Variants in SVOPL observed in about 807,000 individuals in gnomAD.
SVOPL encodes putative transporter SVOPL.
A neutral mutation model predicts 61.0 loss-of-function variants in SVOPL; 60 were observed. The ratio of observed to expected loss-of-function variants is 0.98; its 90% CI spans 0.80 to 1.22. SVOPL has a LOEUF of 1.22. Among genes scored for constraint, SVOPL ranks in the 50% most tolerant of loss-of-function variants. The probability of loss-of-function intolerance (pLI) is 0.00; values close to 1 mark genes in which losing one functional copy is unlikely to be tolerated. For missense variants in SVOPL, 662 were observed against 643.9 expected, an observed-to-expected ratio of 1.03 and a Z score of -0.30; for synonymous variants, 279 against 250.0, an observed-to-expected ratio of 1.12 and a Z score of -1.09.
intron 4 of SVOPL, chr7:138,664,198 C>G (rs1274582639): frequency 7.1e-6 from 7 of 979,934 alleles, no homozygotes; most frequent in Non-Finnish European, 8.5e-6. Context: ...CTCCCCCTCC[C>G]CCACCTTCTA....
At chr7:138,694,417 T>C (rs1044357002) in intron 1 of SVOPL, among the ~76,000 whole-genome samples, 7 of 151,870 alleles carry the variant, frequency 4.6e-5, no homozygotes, top group African/African-American at 1.7e-4. Flanking sequence ...CCTAACTTTT[T>C]GTATTTTTAG....
intron 1 of SVOPL, among the ~76,000 whole-genome samples, chr7:138,697,127 T>C (rs574949332): frequency 1.3e-5 from 2 of 152,198 alleles, no homozygotes; most frequent in South Asian, 2.1e-4. Context: ...TCCCAGCACT[T>C]TGGGATGCCA....
intron 7 of SVOPL, among the ~76,000 whole-genome samples, chr7:138,654,581 C>A (rs1411621019): frequency 6.8e-6 from 1 of 147,930 alleles, no homozygotes; most frequent in Non-Finnish European, 1.5e-5. Flanking sequence ...CTCAGTGCAA[C>A]CTTCTCCTCC....
At chr7:138,672,214 T>C in intron 3 of SVOPL, 97 bp from the exon 4 acceptor site, 1 of 1,120,406 alleles carries the variant, frequency 8.9e-7, no homozygotes, top group South Asian at 1.4e-5. Flanking sequence ...TCCTGTCCCC[T>C]TTGTCCTTCC....
chr7:138,601,113 G>A (rs542755261), intron 14 of SVOPL, among the ~76,000 whole-genome samples: 115 of 152,092 alleles, frequency 7.6e-4, no homozygotes, highest in Middle Eastern at 3.4e-3. Context: ...TTAGCCGGGC[G>A]TGGTGGCAGG....
chr7:138,673,436 C>G (rs1375247386), intron 3 of SVOPL, among the ~76,000 whole-genome samples: 1 of 152,142 alleles, frequency 6.6e-6, no homozygotes, highest in Admixed American at 6.5e-5. Flanking sequence ...GTAGGCGGAT[C>G]ACTTGAGGCC....
chr7:138,608,848 G>A (rs997038814), intron 14 of SVOPL, among the ~76,000 whole-genome samples: 3 of 152,058 alleles, frequency 2.0e-5, no homozygotes, highest in East Asian at 1.9e-4. Flanking sequence ...AGGAGAACAC[G>A]AACAAGAATG....
chr7:138,677,817 C>T (rs1185626025), intron 3 of SVOPL, among the ~76,000 whole-genome samples: 1 of 145,588 alleles, frequency 6.9e-6, no homozygotes, highest in Non-Finnish European at 1.5e-5. Context: ...AGCTGGAGTG[C>T]AGTGGCGCGA....
intron 9 of SVOPL, among the ~76,000 whole-genome samples, chr7:138,635,946 T>C: frequency 6.6e-6 from 1 of 152,114 alleles, no homozygotes; most frequent in East Asian, 1.9e-4. Context: ...TATATATACA[T>C]TTTTTTGAAA....
intron 3 of SVOPL, among the ~76,000 whole-genome samples, chr7:138,673,365 A>G (rs1275454914): frequency 6.6e-6 from 1 of 152,194 alleles, no homozygotes; most frequent in Non-Finnish European, 1.5e-5. Flanking sequence ...GAGCATAATT[A>G]TCTCAGAAGA....
rs768843172 is a variant in SVOPL at position 138,644,706 on chromosome 7, C to T, written c.789+11G>A. ...TGGTGATAGGAGAAGACCTCGGGGGCCAGCACTCACCAGGACGGGCTCCAC... is the reference window on the plus strand; with the variant it reads ...TGGTGATAGGAGAAGACCTCGGGGGTCAGCACTCACCAGGACGGGCTCCAC... On this transcript the variant is annotated intron_variant, in intron 9 of 15. Coordinates refer to ENST00000674285, the MANE Select transcript of SVOPL (RefSeq NM_001139456.2). 10 of 1,613,558 alleles carry T rather than the reference C, an allele frequency of 6.2e-6. No individual in the cohort carries two copies. The Admixed American group carries it at 1.2e-4, about 19-fold the overall frequency.
At chr7:138,672,640 T>TG (rs986328181) in intron 3 of SVOPL, among the ~76,000 whole-genome samples, 6 of 108,120 alleles carry the variant, frequency 5.5e-5, no homozygotes, top group East Asian at 2.9e-4. Context: ...AGCAGGAAAG[T>TG]GTTTTTTTTT....
chr7:138,612,405 T>TAAAAAAAAA (rs1158818070), intron 14 of SVOPL, among the ~76,000 whole-genome samples: 2 of 9,332 alleles, frequency 2.1e-4, no homozygotes, highest in Non-Finnish European at 2.0e-4. Flanking sequence ...AAAAATAAAT[T>TAAAAAAAAA]AAAAAAAAAA....
chr7:138,620,131 T>TC (rs1225043625), intron 14 of SVOPL, among the ~76,000 whole-genome samples: 1 of 145,636 alleles, frequency 6.9e-6, no homozygotes, highest in Non-Finnish European at 1.5e-5. Context: ...TTTGTTTTTT[T>TC]TTTTTTTTTG....
chr7:138,628,511 A>C (rs1394119966), intron 10 of SVOPL, 148 bp from the exon 11 acceptor site: 1 of 770,110 alleles, frequency 1.3e-6, no homozygotes, highest in Non-Finnish European at 2.1e-6. Context: ...CATTCGTGGA[A>C]GTGTCTCTTA....
chr7:138,678,653 C>T (rs1405603330), intron 2 of SVOPL, 128 bp from the exon 3 acceptor site: 2 of 844,722 alleles, frequency 2.4e-6, no homozygotes, highest in Non-Finnish European at 3.7e-6. Context: ...TGGTAGGCAA[C>T]CTCTGCCTAC....
intron 4 of SVOPL, among the ~76,000 whole-genome samples, chr7:138,670,401 C>T (rs560485261): frequency 3.3e-5 from 5 of 152,294 alleles, no homozygotes; most frequent in Admixed American, 2.0e-4. Flanking sequence ...CTGTAAATAA[C>T]ATCACTATTG....
chr7:138,648,073 T>G (rs1324863676), intron 8 of SVOPL, among the ~76,000 whole-genome samples: 1 of 152,138 alleles, frequency 6.6e-6, no homozygotes, highest in Non-Finnish European at 1.5e-5. Flanking sequence ...AGAATTGTAC[T>G]GCAAACTAAG....
In SVOPL at chr7:138,659,807, TCAGGGCCTG is replaced by T. The variant is rs892084308; in HGVS notation, c.470+48_470+56del. ...GTCTATTAAGCGCAGTGTGTGTGCA[TCAGGGCCTG>T]CAGGGGTACACGTTTCTGTCTCAGG... On this transcript the variant is annotated intron_variant, in intron 6 of 15. Coordinates refer to ENST00000674285, the MANE Select transcript of SVOPL (RefSeq NM_001139456.2). 1.1e-5 allele frequency: 17 copies of T among 1,503,306 alleles called. No individual in the cohort carries two copies. The African/African-American group carries it at 2.2e-4, about 20-fold the overall frequency. 93.1% of individuals were successfully genotyped at this position (1,503,306 alleles called of 1,614,324 possible). A position where few individuals can be genotyped will look rare whatever the true frequency, so the allele number is the denominator to read the frequency against.
Sources: allele counts gnomAD v4.1 joint callset (sites outside exome capture counted in the v4.1 genomes callset), GRCh38; gene constraint gnomAD v4.1.1; transcripts MANE v1.5; gene names NCBI Gene and HGNC (gene_info 2026-07-23, HGNC 2026-07-21).